Variants in DSCAM observed in about 807,000 individuals in gnomAD.
DSCAM encodes the protein DS cell adhesion molecule, also known as cell adhesion molecule DSCAM.
A neutral mutation model predicts 217.7 loss-of-function variants in DSCAM; 47 were observed. The observed-to-expected ratio is 0.22, with a 90% CI of 0.17 to 0.28. The LOEUF (loss-of-function observed/expected upper bound fraction) is 0.28, where lower values mean the gene tolerates loss of function less well. DSCAM is among the 10% of genes least tolerant of loss of function. DSCAM has a pLI of 1.00. For missense variants in DSCAM, 2,080 were observed against 2,618.3 expected (o/e 0.79, Z 4.49); for synonymous variants, 1,056 against 1,015.3 (o/e 1.04, Z -0.76).
intron 27 of DSCAM, among the ~76,000 whole-genome samples, chr21:40,068,826 C>T (rs563033686): frequency 1.3e-5 from 2 of 152,302 alleles, no homozygotes; most frequent in African/African-American, 4.8e-5. Flanking sequence ...TGGCTCATGC[C>T]TATAATCCCA....
intron 3 of DSCAM, among the ~76,000 whole-genome samples, chr21:40,607,191 ACT>A (rs1339798162): frequency 6.6e-6 from 1 of 150,730 alleles, no homozygotes; most frequent in African/African-American, 2.5e-5. Flanking sequence ...CTAACTTCAC[ACT>A]CTTTTTTCAA....
chr21:40,412,559 C>G (rs1481491441), intron 3 of DSCAM, among the ~76,000 whole-genome samples: 1 of 152,116 alleles, frequency 6.6e-6, no homozygotes, highest in Non-Finnish European at 1.5e-5. Flanking sequence ...ATCTGTGGAA[C>G]TTTGAACTTG....
At chr21:40,753,379 T>C (rs1347519274) in intron 1 of DSCAM, among the ~76,000 whole-genome samples, 1 of 152,196 alleles carries the variant, frequency 6.6e-6, no homozygotes, top group East Asian at 1.9e-4. Flanking sequence ...TGAAACATCA[T>C]GAATCATAGT....
chr21:40,563,018 A>G lies in DSCAM; in HGVS notation c.508+129792T>C, dbSNP rs547117157. ...AGGCTACATGTGCAGAATTTGGCTGATAGAGACAATCGCCCGGATTTGCTG... is the reference window on the plus strand; with the variant it reads ...AGGCTACATGTGCAGAATTTGGCTGGTAGAGACAATCGCCCGGATTTGCTG... On this transcript the variant is annotated intron_variant, in intron 3 of 32. Coordinates refer to ENST00000400454, the MANE Select transcript of DSCAM (RefSeq NM_001389.5). 3.9e-5 allele frequency among the ~76,000 whole-genome samples: 6 copies of G among 152,316 alleles called. No homozygotes were observed. In the South Asian group the frequency reaches 1.2e-3, roughly 32 times the overall value.
At chr21:40,795,763 G>T (rs1291642515) in intron 1 of DSCAM, among the ~76,000 whole-genome samples, 1 of 152,180 alleles carries the variant, frequency 6.6e-6, no homozygotes, top group Non-Finnish European at 1.5e-5. Flanking sequence ...GTCAATCGTT[G>T]TCTAAAATTA....
intron 21 of DSCAM, among the ~76,000 whole-genome samples, chr21:40,089,913 A>G (rs2089584015): frequency 6.6e-6 from 1 of 152,136 alleles, no homozygotes; most frequent in Non-Finnish European, 1.5e-5. Flanking sequence ...GAGATTGACC[A>G]CCATTTAGGA....
intron 18 of DSCAM, among the ~76,000 whole-genome samples, chr21:40,134,412 G>A (rs931117276): frequency 3.9e-5 from 6 of 152,154 alleles, no homozygotes; most frequent in Admixed American, 2.6e-4. Context: ...CCCCACTGCC[G>A]ACTATTCATT....
At chr21:40,624,847 T>G (rs374446509) in intron 3 of DSCAM, among the ~76,000 whole-genome samples, 2 of 152,318 alleles carry the variant, frequency 1.3e-5, no homozygotes, top group East Asian at 3.9e-4. Context: ...CAATACATTT[T>G]GAAAGAAATG....
rs1568954913 is a variant in DSCAM at position 40,637,516 on chromosome 21, A to AATATATATAAATATATACATATATAC, written c.508+55268_508+55293dup. Reference sequence around the variant, plus strand: ...ATATATAAATATATATAAATATATAAATATATATAAATATATACATATATA... The same window carrying AATATATATAAATATATACATATATAC: ...ATATATAAATATATATAAATATATAAATATATATAAATATATACATATATACATATATATAAATATATACATATATA... On this transcript the variant is annotated intron_variant, in intron 3 of 32. Coordinates refer to ENST00000400454, the MANE Select transcript of DSCAM (RefSeq NM_001389.5). 8.5e-4 allele frequency among the ~76,000 whole-genome samples: 14 copies of AATATATATAAATATATACATATATAC among 16,528 alleles called. 1 individual carries two copies. Among genetic ancestry groups the AATATATATAAATATATACATATATAC allele is most frequent in the East Asian group, 1.7e-3 (1 of 586 alleles). 10.8% of individuals were successfully genotyped at this position (16,528 alleles called of 152,430 possible).
At chr21:40,182,622 C>CACCAGAGAAACCGTGGACGGGAGGGGGTT in intron 14 of DSCAM, among the ~76,000 whole-genome samples, 6 of 101,030 alleles carry the variant, frequency 5.9e-5, no homozygotes, top group African/African-American at 2.8e-4. Flanking sequence ...CAGAACGGGC[C>CACCAGAGAAACCGTGGACGGGAGGGGGTT]ACCAGAGAAA....
chr21:40,284,137 T>C (rs1450321413), intron 10 of DSCAM, among the ~76,000 whole-genome samples: 2 of 152,122 alleles, frequency 1.3e-5, no homozygotes, highest in African/African-American at 2.4e-5. Flanking sequence ...AATGGAAAGA[T>C]AAGAGAAAAA....
At chr21:40,152,737 T>C (rs1170112792) in intron 16 of DSCAM, among the ~76,000 whole-genome samples, 1 of 152,282 alleles carries the variant, frequency 6.6e-6, no homozygotes, top group African/African-American at 2.4e-5. Context: ...CTGTGGCAGA[T>C]GCATCATCCT....
At chr21:40,254,989 A>C (rs1400204515) in intron 11 of DSCAM, among the ~76,000 whole-genome samples, 1 of 152,098 alleles carries the variant, frequency 6.6e-6, no homozygotes, top group Non-Finnish European at 1.5e-5. Context: ...CCGTGTGGGT[A>C]AAGGCCCCCT....
At chr21:40,795,375 A>T (rs1480452158) in intron 1 of DSCAM, among the ~76,000 whole-genome samples, 1 of 151,840 alleles carries the variant, frequency 6.6e-6, no homozygotes, top group East Asian at 1.9e-4. Context: ...TTCGAAATCC[A>T]AGGTCATATT....
intron 11 of DSCAM, among the ~76,000 whole-genome samples, chr21:40,273,628 T>C (rs967363022): frequency 6.6e-6 from 1 of 152,212 alleles, no homozygotes; most frequent in South Asian, 2.1e-4. Flanking sequence ...CTGCAGCTTT[T>C]CGTTCCGTAG....
intron 11 of DSCAM, among the ~76,000 whole-genome samples, chr21:40,195,253 G>A (rs1017942228): frequency 6.6e-6 from 1 of 152,050 alleles, no homozygotes; most frequent in Non-Finnish European, 1.5e-5. Flanking sequence ...TTACTCTCAA[G>A]TCTTTTAATG....
chr21:40,546,706 G>C (rs772398768), intron 3 of DSCAM, among the ~76,000 whole-genome samples: 1 of 152,166 alleles, frequency 6.6e-6, no homozygotes, highest in African/African-American at 2.4e-5. Flanking sequence ...ATACAAATAA[G>C]TTTGATTTAG....
intron 3 of DSCAM, among the ~76,000 whole-genome samples, chr21:40,617,119 C>CTTTTTT (rs1178735630): frequency 5.4e-4 from 61 of 112,658 alleles, no homozygotes; most frequent in African/African-American, 1.3e-3. Flanking sequence ...CAGAACCAGT[C>CTTTTTT]TTTTTTTTTT....
chr21:40,692,661 T>C (rs2146449868), intron 3 of DSCAM, 149 bp downstream of exon 3: 2 of 990,502 alleles, frequency 2.0e-6, no homozygotes, highest in South Asian at 2.2e-5. Context: ...AAAACACTTA[T>C]TTCAGGTTTA....
Sources: allele counts gnomAD v4.1 joint callset (sites outside exome capture counted in the v4.1 genomes callset), GRCh38; gene constraint gnomAD v4.1.1; transcripts MANE v1.5; gene names NCBI Gene and HGNC (gene_info 2026-07-23, HGNC 2026-07-21).